The following DOT1L variants were observed in gnomAD, a reference collection of about 807,000 sequenced individuals.
The protein encoded by DOT1L is histone-lysine N-methyltransferase, H3 lysine-79 specific.
DOT1L carries 33 observed loss-of-function variants against 153.3 expected under a neutral mutation model. The ratio of observed to expected loss-of-function variants is 0.22; its 90% CI spans 0.16 to 0.29. The LOEUF (loss-of-function observed/expected upper bound fraction) is 0.29. Ranked by LOEUF, DOT1L falls within the 10% of genes least tolerant of loss-of-function variation. DOT1L has a pLI of 1.00. For synonymous variants in DOT1L, 1,135 were observed against 965.1 expected, an observed-to-expected ratio of 1.18 and a Z score of -3.26; for missense variants, 1,847 against 2,119.9, an observed-to-expected ratio of 0.87 and a Z score of 2.53.
intron 7 of DOT1L, among the ~76,000 whole-genome samples, chr19:2,198,925 C>T (rs757315016): frequency 1.2e-4 from 19 of 152,164 alleles, no homozygotes; most frequent in South Asian, 4.1e-4. Context: ...TCCAGGTGTG[C>T]GCGGCCTCGC....
intron 2 of DOT1L, among the ~76,000 whole-genome samples, chr19:2,182,713 C>T (rs1288008323): frequency 1.3e-5 from 2 of 152,132 alleles, no homozygotes; most frequent in African/African-American, 4.8e-5. Context: ...AGCAGGGGAG[C>T]TGCACCTGCT....
chr19:2,196,611 G>C (rs2023030556), intron 7 of DOT1L, among the ~76,000 whole-genome samples: 1 of 152,192 alleles, frequency 6.6e-6, no homozygotes, highest in African/African-American at 2.4e-5. Context: ...GATGACAGGT[G>C]TGAGCCACCG....
In DOT1L at chr19:2,190,603, C is replaced by T. The variant is rs999949977; in HGVS notation, c.265-409C>T. On this transcript the variant is annotated intron_variant, in intron 4 of 27. Transcript: ENST00000398665. The surrounding 1 kb of genome is among the most constrained non-coding windows in gnomAD (Gnocchi z 4.8). The stretch of plus-strand genomic sequence containing the variant: ...AAGGCGGGGTCCCACGTAGTCGAGT[C>T]AGATGAGGTGTGGTAGGCTCAGGGC... Among the ~76,000 whole-genome samples, 2 of 152,244 alleles carry T rather than the reference C, an allele frequency of 1.3e-5. No individual in the cohort carries two copies. Among genetic ancestry groups the T allele is most frequent in the Admixed American group, 6.5e-5 (1 of 15,296 alleles).
In DOT1L at chr19:2,208,500, T is replaced by A. The variant is rs139132498; in HGVS notation, c.964-435T>A. Among the ~76,000 whole-genome samples the A allele has an allele frequency of 1.4e-4, 21 of 152,272 alleles. No individual in the cohort carries two copies. The East Asian group carries it at 2.9e-3, about 21-fold the overall frequency. ...GACGAGAGGCATGGTGAGCTGAGGCTGAGGCTCTGGGGGCTTGGCCTACCG... is the reference window on the plus strand; with the variant it reads ...GACGAGAGGCATGGTGAGCTGAGGCAGAGGCTCTGGGGGCTTGGCCTACCG... On this transcript the variant is annotated intron_variant, in intron 11 of 27. Coordinates refer to ENST00000398665, the MANE Select transcript of DOT1L (RefSeq NM_032482.3). The surrounding 1 kb of genome is among the most constrained non-coding windows in gnomAD (Gnocchi z 4.4).
rs775774158 is a variant in DOT1L at position 2,222,311 on chromosome 19, A to C, written c.3142A>C (p.Thr1048Pro). 7 of 1,612,944 alleles carry C rather than the reference A, an allele frequency of 4.3e-6. No homozygotes were observed. The highest frequency in any genetic ancestry group is 4.2e-6 in the Non-Finnish European group (5 of 1,179,898). Residue 1048 changes from threonine (T) to proline (P), a missense_variant, in exon 24 of 28, where the codon ACC becomes CCC. By Grantham distance (38) the Thr-to-Pro change is conservative. This residue lies in a region of DOT1L where 934 missense variants were observed against 825.3 expected (regional missense o/e 1.13). Transcript: ENST00000398665. This position sits in a 1 kb window ranked among gnomAD's most constrained non-coding sequence, Gnocchi z 6.5. ...ESEAKRRIVF[T>P]ITTGAGSAKQ... ...TGAAGCCAAGAGGAGGATTGTGTTC[A>C]CCATCACCACTGGTGCGGGCAGTGC...
intron 1 of DOT1L, among the ~76,000 whole-genome samples, chr19:2,172,573 C>T (rs569675184): frequency 2.6e-5 from 4 of 151,092 alleles, no homozygotes; most frequent in African/African-American, 4.9e-5. Flanking sequence ...GGCGCCATCT[C>T]GGCTTACTGA....
chr19:2,196,082 C>T (rs564541204), intron 7 of DOT1L, among the ~76,000 whole-genome samples: 2 of 152,366 alleles, frequency 1.3e-5, no homozygotes, highest in East Asian at 1.9e-4. Flanking sequence ...CGTGAGGCCT[C>T]GACATTCCTG....
chr19:2,170,439 T>C (rs2021551536), intron 1 of DOT1L, among the ~76,000 whole-genome samples: 1 of 152,172 alleles, frequency 6.6e-6, no homozygotes, highest in South Asian at 2.1e-4. Context: ...CCCAACACGG[T>C]TCCTCCTGTG....
rs954874449 is a variant in DOT1L at position 2,196,187 on chromosome 19, G to A, written c.651+1610G>A. On this transcript the variant is annotated intron_variant, in intron 7 of 27. Coordinates refer to ENST00000398665, the MANE Select transcript of DOT1L (RefSeq NM_032482.3). ...TGTCCCACAGCACAAGTGAAGGCCG[G>A]TGTCAGGGTGCAGGGCCCCGATCCC... Among the ~76,000 whole-genome samples, 12 of 152,280 alleles carry A rather than the reference G, an allele frequency of 7.9e-5. 1 individual carries two copies. Among genetic ancestry groups the A allele is most frequent in the Admixed American group, 6.5e-4 (10 of 15,292 alleles).
chr19:2,181,366 T>G (rs76993039), intron 2 of DOT1L, among the ~76,000 whole-genome samples: 6,231 of 152,148 alleles, frequency 0.041, 425 homozygotes, highest in African/African-American at 0.14. Context: ...GTCTGTTCCT[T>G]AGCATACTGG....
chr19:2,184,678 T>A (rs1306226673), intron 2 of DOT1L, among the ~76,000 whole-genome samples: 2 of 152,162 alleles, frequency 1.3e-5, no homozygotes, highest in Non-Finnish European at 2.9e-5. Context: ...GTCCTTCCAT[T>A]TCTGGCCTCT....
intron 27 of DOT1L, chr19:2,228,179 C>A: frequency 2.2e-6 from 3 of 1,364,324 alleles, no homozygotes; most frequent in Non-Finnish European, 2.9e-6. Context: ...CGCACAAGGG[C>A]GCCCGCCCCT....
intron 1 of DOT1L, among the ~76,000 whole-genome samples, chr19:2,173,496 G>A (rs971263769): frequency 4.6e-5 from 7 of 152,176 alleles, no homozygotes; most frequent in African/African-American, 1.4e-4. Flanking sequence ...GGGCGTCCTC[G>A]GGGAGCAGGC....
rs1037260727 is a variant in DOT1L, at chr19:2,199,824, G to A, written c.652-60G>A. On this transcript the variant is annotated intron_variant, in intron 7 of 27. Transcript: ENST00000398665. ...TTCCATTCTTTCTTCACAGGGGCTGGGCGGGCTGGGAGTGCCAGGGAGGCC... is the reference window on the plus strand; with the variant it reads ...TTCCATTCTTTCTTCACAGGGGCTGAGCGGGCTGGGAGTGCCAGGGAGGCC... 56 of 1,589,708 alleles carry A rather than the reference G, an allele frequency of 3.5e-5. No individual in the cohort carries two copies. The South Asian group carries it at 5.5e-4, about 15-fold the overall frequency.
chr19:2,172,019 G>A (rs906887037), intron 1 of DOT1L, among the ~76,000 whole-genome samples: 10 of 152,160 alleles, frequency 6.6e-5, no homozygotes, highest in Admixed American at 2.0e-4. Context: ...TGTGCAAATA[G>A]TGATAACCTT....
At position 2,217,840 on chromosome 19, in the gene DOT1L, C is replaced by T. The variant is rs749973386; in HGVS notation, c.2613C>T (p.Leu871=). 3 of 1,611,154 alleles carry T rather than the reference C, an allele frequency of 1.9e-6. No individual in the cohort carries two copies. The highest frequency in any genetic ancestry group is 1.3e-5 in the African/African-American group (1 of 74,902). The part of the protein sequence containing the change: ...LITSLPISIP[L]STVQPNKLPV... Reference sequence around the variant, plus strand: ...CCAGCCTGCCCATCAGCATCCCGCTCAGCACCGTGCAGCCCAACAAGCTCC... The same window carrying T: ...CCAGCCTGCCCATCAGCATCCCGCTTAGCACCGTGCAGCCCAACAAGCTCC... The change falls in exon 22 of 28, where the codon CTC becomes CTT. Residue 871 remains leucine, a synonymous_variant. Coordinates refer to ENST00000398665, the MANE Select transcript of DOT1L (RefSeq NM_032482.3). This position sits in a 1 kb window ranked among gnomAD's most constrained non-coding sequence, Gnocchi z 7.3.
intron 1 of DOT1L, among the ~76,000 whole-genome samples, chr19:2,179,770 T>A (rs550976784): frequency 6.6e-6 from 1 of 151,876 alleles, no homozygotes. Flanking sequence ...TTGCACCACT[T>A]CACTCCAGCC....
chr19:2,202,281 A>C (rs1024724869), intron 8 of DOT1L, among the ~76,000 whole-genome samples: 1 of 152,206 alleles, frequency 6.6e-6, no homozygotes, highest in Non-Finnish European at 1.5e-5. Context: ...CGGTCTCTGC[A>C]GCAGTTGAGC....
chr19:2,201,173 CCGCA>C (rs2023262217), intron 8 of DOT1L, among the ~76,000 whole-genome samples: 1 of 144,052 alleles, frequency 6.9e-6, no homozygotes, highest in Non-Finnish European at 1.5e-5. Flanking sequence ...CTCGTCCTCC[CCGCA>C]TTCCTCGTCC....
Sources: allele counts gnomAD v4.1 joint callset (sites outside exome capture counted in the v4.1 genomes callset), GRCh38; gene constraint gnomAD v4.1.1; regional missense constraint gnomAD v4.1.1; non-coding constraint Gnocchi (gnomAD v3.1); transcripts MANE v1.5; gene names NCBI Gene and HGNC (gene_info 2026-07-23, HGNC 2026-07-21).